The following ANKRD36 variants were observed in gnomAD, a reference collection of about 807,000 sequenced individuals.
ANKRD36 encodes ankyrin repeat domain-containing protein 36A.
A neutral mutation model predicts 278.1 loss-of-function variants in ANKRD36; 179 were observed. That is an observed-to-expected ratio of 0.64 (90% CI 0.57 to 0.73). ANKRD36 has a LOEUF of 0.73. Among genes scored for constraint, ANKRD36 ranks in the 30% least tolerant of loss-of-function variants. ANKRD36 has a pLI of 0.00. For synonymous variants in ANKRD36, 320 were observed against 641.1 expected (o/e 0.50, Z 7.57); for missense variants, 1,159 against 1,956.7 (o/e 0.59, Z 7.69).
rs1380090502 is a variant in ANKRD36 at position 97,118,156 on chromosome 2, A to G, written c.290A>G (p.Glu97Gly). Residue 97 changes from glutamate to glycine, a missense_variant, in exon 2 of 76, where the codon GAA becomes GGA. Physicochemically the swap from Glu to Gly is moderately conservative, Grantham distance 98 (BLOSUM62 -2). Transcript: ENST00000420699. ...TGTGAGCTTAACCTCTGCGACCGTG[A>G]AGACAGGACACCTCTGATCAAGGTA... The part of the protein sequence containing the change: ...RRCELNLCDR[E>G]DRTPLIKAVQ... 1.9e-6 allele frequency: 3 copies of G among 1,575,118 alleles called. No individual in the cohort carries two copies. Among genetic ancestry groups the G allele is most frequent in the Non-Finnish European group, 1.7e-6 (2 of 1,158,900 alleles).
chr2:97,181,488 C>T (rs1236971442), intron 24 of ANKRD36, 110 bp from the exon 25 acceptor site: 65 of 1,445,050 alleles, frequency 4.5e-5, no homozygotes, highest in Non-Finnish European at 5.6e-5. Flanking sequence ...ACATCAAAGC[C>T]TACACTAGTA....
intron 75 of ANKRD36, among the ~76,000 whole-genome samples, chr2:97,260,347 G>GATATAT (rs71218080): frequency 0.056 from 6,487 of 116,718 alleles, 87 homozygotes; most frequent in Middle Eastern, 0.11. Context: ...TATTTTAAAA[G>GATATAT]ATATATATAT....
intron 3 of ANKRD36, among the ~76,000 whole-genome samples, chr2:97,122,059 A>G (rs1344053197): frequency 3.9e-5 from 5 of 127,414 alleles, no homozygotes; most frequent in Non-Finnish European, 5.5e-5. Flanking sequence ...ATAGGCTTCA[A>G]ATGAACTGTC....
chr2:97,187,489 G>A, intron 32 of ANKRD36, 88 bp downstream of exon 32: 1 of 516,730 alleles, frequency 1.9e-6, no homozygotes, highest in Non-Finnish European at 3.3e-6. Flanking sequence ...AGGGCGGGTG[G>A]GGGGGCTCGC....
rs1239344464 is a variant in ANKRD36, at chr2:97,198,906, T to A, written c.2755+248T>A. On this transcript the variant is annotated intron_variant, in intron 44 of 75. Transcript: ENST00000420699. ...GAAATATGGAGAGCAGTTCAAGGCA[T>A]AAGGGGCTCCGGGGAACAACATAAT... Among the ~76,000 whole-genome samples the A allele has an allele frequency of 2.0e-5, 3 of 151,790 alleles. No individual in the cohort carries two copies. In the East Asian group the frequency reaches 5.8e-4, roughly 30 times the overall value.
At chr2:97,222,394 G>C (rs2068012016) in intron 66 of ANKRD36, among the ~76,000 whole-genome samples, 1 of 152,034 alleles carries the variant, frequency 6.6e-6, no homozygotes, top group African/African-American at 2.4e-5. Context: ...AATTTTTTGA[G>C]GACTCTATAG....
intron 6 of ANKRD36, among the ~76,000 whole-genome samples, chr2:97,132,947 A>G (rs187062991): frequency 1.3e-5 from 2 of 152,220 alleles, no homozygotes; most frequent in Admixed American, 1.3e-4. Flanking sequence ...AGCTAGTTAC[A>G]TAGGCATTCT....
chr2:97,227,560 G>T (rs1482390746), intron 67 of ANKRD36, among the ~76,000 whole-genome samples: 3 of 152,230 alleles, frequency 2.0e-5, no homozygotes, highest in African/African-American at 7.2e-5. Flanking sequence ...ATACAATCAT[G>T]TCGTCTGCAA....
chr2:97,122,129 A>G (rs1392580739), intron 3 of ANKRD36, among the ~76,000 whole-genome samples: 1 of 91,440 alleles, frequency 1.1e-5, no homozygotes, highest in Admixed American at 9.6e-5. Flanking sequence ...AGCTCCTGAC[A>G]TTGTCACCTG....
At chr2:97,136,430 C>T (rs1162147414) in intron 6 of ANKRD36, among the ~76,000 whole-genome samples, 3 of 151,468 alleles carry the variant, frequency 2.0e-5, no homozygotes, top group African/African-American at 7.3e-5. Context: ...GTAAATTAAT[C>T]AAACCAAAGA....
chr2:97,170,858 AAAAC>A (rs1288905535), intron 22 of ANKRD36, among the ~76,000 whole-genome samples: 2 of 150,378 alleles, frequency 1.3e-5, no homozygotes, highest in East Asian at 3.9e-4. Flanking sequence ...TTACAAGAAA[AAAAC>A]AAACAACCCC....
chr2:97,194,516 T>G (rs1192804439), intron 38 of ANKRD36, among the ~76,000 whole-genome samples: 2 of 151,642 alleles, frequency 1.3e-5, no homozygotes, highest in African/African-American at 4.8e-5. Context: ...ATACTGTGTT[T>G]GAAATTGTAA....
At chr2:97,197,576 A>G (rs1328136533) in intron 42 of ANKRD36, among the ~76,000 whole-genome samples, 1 of 151,882 alleles carries the variant, frequency 6.6e-6, no homozygotes, top group African/African-American at 2.4e-5. Context: ...TATTTCATGA[A>G]ACTTCTTTAG....
chr2:97,126,751 C>A (rs2038760746), intron 5 of ANKRD36, among the ~76,000 whole-genome samples: 1 of 151,560 alleles, frequency 6.6e-6, no homozygotes, highest in Admixed American at 6.6e-5. Context: ...CTAAGAGAAG[C>A]AACTTGTTTA....
intron 58 of ANKRD36, among the ~76,000 whole-genome samples, chr2:97,212,298 A>C (rs993502596): frequency 1.3e-5 from 2 of 151,890 alleles, no homozygotes; most frequent in Admixed American, 6.6e-5. Context: ...CATTTGGAAC[A>C]TTTGCATAAA....
intron 12 of ANKRD36, among the ~76,000 whole-genome samples, chr2:97,150,478 C>T (rs1214775165): frequency 9.9e-5 from 15 of 152,270 alleles, no homozygotes; most frequent in Non-Finnish European, 2.1e-4. Flanking sequence ...TGTGAATCAA[C>T]AAACAGGTAA....
At chr2:97,135,392 T>TA (rs1355952132) in intron 6 of ANKRD36, among the ~76,000 whole-genome samples, 3 of 152,010 alleles carry the variant, frequency 2.0e-5, no homozygotes, top group African/African-American at 7.2e-5. Context: ...AAGAGATTAA[T>TA]AATATCTAAT....
chr2:97,220,866 C>T (rs1457575562), intron 66 of ANKRD36, among the ~76,000 whole-genome samples: 49 of 145,156 alleles, frequency 3.4e-4, no homozygotes, highest in African/African-American at 1.1e-3. Context: ...CATGCTGGTG[C>T]GCTGCACCCA....
chr2:97,191,037 A>G lies in ANKRD36; in HGVS notation c.2274+31A>G, dbSNP rs564353442. 29 of 1,604,106 alleles carry G rather than the reference A, an allele frequency of 1.8e-5. No homozygotes were observed. The African/African-American group carries it at 3.6e-4, about 20-fold the overall frequency. On this transcript the variant is annotated intron_variant, in intron 35 of 75. Coordinates refer to ENST00000420699, the MANE Select transcript of ANKRD36 (RefSeq NM_001354587.1). ...TAAACTCTCATTTATATTGTGAACT[A>G]GTAAATCTATAGTCTATGAAATATA...
Sources: gnomAD v4.1 joint callset for allele counts (sites outside exome capture counted in the v4.1 genomes callset) on GRCh38, gnomAD v4.1.1 for gene constraint, MANE v1.5 for transcripts, NCBI Gene and HGNC (gene_info 2026-07-23, HGNC 2026-07-21) for gene names.